Variants in MTFR1 observed in about 807,000 individuals in gnomAD.
MTFR1 encodes the protein mitochondrial fission regulator 1.
A neutral mutation model predicts 38.8 loss-of-function variants in MTFR1; 28 were observed. That is an observed-to-expected ratio of 0.72 (90% CI 0.53 to 0.99). MTFR1 has a LOEUF of 0.99. Among genes scored for constraint, MTFR1 ranks in the 50% least tolerant of loss-of-function variants. MTFR1 has a pLI of 0.00. For synonymous variants in MTFR1, 145 were observed against 137.0 expected, an observed-to-expected ratio of 1.06 and a Z score of -0.41; for missense variants, 358 against 395.5, an observed-to-expected ratio of 0.91 and a Z score of 0.81.
At chr8:65,703,889 T>G (rs1261244175) in intron 4 of MTFR1, among the ~76,000 whole-genome samples, 1 of 152,168 alleles carries the variant, frequency 6.6e-6, no homozygotes, top group Non-Finnish European at 1.5e-5. Flanking sequence ...CAAAACAGAT[T>G]GGTTTTAAGA....
chr8:65,666,930 A>G (rs189917900), intron 1 of MTFR1, among the ~76,000 whole-genome samples: 177 of 152,350 alleles, frequency 1.2e-3, no homozygotes, highest in African/African-American at 4.0e-3. Flanking sequence ...CACATACTGT[A>G]TATCTGATAG....
intron 3 of MTFR1, chr8:65,734,931 T>C (rs1436978056): frequency 7.8e-7 from 1 of 1,277,756 alleles, no homozygotes; most frequent in Non-Finnish European, 1.1e-6. Context: ...TTATTGTATA[T>C]GAGCAACATA....
chr8:65,680,899 CTTTTT>C (rs1199113408), intron 2 of MTFR1, among the ~76,000 whole-genome samples: 8 of 93,622 alleles, frequency 8.5e-5, no homozygotes, highest in African/African-American at 3.0e-4. Flanking sequence ...AAGCAGTTCT[CTTTTT>C]TTTTTTTTTT....
intron 1 of MTFR1, among the ~76,000 whole-genome samples, chr8:65,664,283 G>A (rs1266018368): frequency 6.6e-6 from 1 of 152,202 alleles, no homozygotes; most frequent in Non-Finnish European, 1.5e-5. Context: ...ACAGACAGAT[G>A]AGTACATGAA....
intron 1 of MTFR1, among the ~76,000 whole-genome samples, chr8:65,654,975 A>G (rs1809216451): frequency 6.6e-6 from 1 of 152,198 alleles, no homozygotes; most frequent in African/African-American, 2.4e-5. Context: ...CCTTGGGCCT[A>G]AGGGCAACAT....
At chr8:65,668,279 G>T (rs1804453179) in intron 1 of MTFR1, among the ~76,000 whole-genome samples, 16 of 149,354 alleles carry the variant, frequency 1.1e-4, no homozygotes. Flanking sequence ...CCGGGATCAA[G>T]TGATTTTCCT....
At chr8:65,662,077 A>T (rs1274710961) in intron 1 of MTFR1, among the ~76,000 whole-genome samples, 14 of 62,380 alleles carry the variant, frequency 2.2e-4, no homozygotes, top group Admixed American at 1.1e-3. Flanking sequence ...CTCTCTTTCC[A>T]CAGTCTCCCT....
chr8:65,686,600 A>G lies in MTFR1; in HGVS notation c.165+4149A>G, dbSNP rs1024799801. The stretch of plus-strand genomic sequence containing the variant: ...GTCTCAAAAAAAAAAAAAAAAAAAA[A>G]GGCACTGTGAAATAGTAGTTTTGAG... On this transcript the variant is annotated intron_variant, in intron 3 of 7. Coordinates refer to ENST00000262146, the MANE Select transcript of MTFR1 (RefSeq NM_014637.4). Among the ~76,000 whole-genome samples the G allele has an allele frequency of 1.4e-3, 196 of 143,040 alleles. 1 individual carries two copies. Among genetic ancestry groups the G allele is most frequent in the African/African-American group, 4.8e-3 (187 of 38,966 alleles). 93.8% of individuals were successfully genotyped at this position (143,040 alleles called of 152,430 possible). A position where few individuals can be genotyped will look rare whatever the true frequency, so the allele number is the denominator to read the frequency against.
At chr8:65,674,695 A>G (rs907033615) in intron 2 of MTFR1, among the ~76,000 whole-genome samples, 2 of 152,196 alleles carry the variant, frequency 1.3e-5, no homozygotes, top group African/African-American at 4.8e-5. Context: ...TAGAACAGCC[A>G]GTGGTGATTG....
chr8:65,683,128 C>G (rs1392208983), intron 3 of MTFR1, among the ~76,000 whole-genome samples: 1 of 138,764 alleles, frequency 7.2e-6, no homozygotes, highest in East Asian at 2.0e-4. Flanking sequence ...TTGTTTCTTT[C>G]TTTCTTTTTT....
chr8:65,711,389 TTC>T (rs1290337173), downstream of MTFR1, among the ~76,000 whole-genome samples: 1 of 152,182 alleles, frequency 6.6e-6, no homozygotes, highest in Non-Finnish European at 1.5e-5. Flanking sequence ...AAAACCATAG[TTC>T]TGATAACTTC....
At chr8:65,749,204 G>A (rs548067299) in intron 3 of MTFR1, among the ~76,000 whole-genome samples, 33 of 152,310 alleles carry the variant, frequency 2.2e-4, no homozygotes, top group Non-Finnish European at 4.7e-4. Context: ...TTGAACAAAT[G>A]ATGACTTTCA....
At chr8:65,659,935 G>A (rs1020603616) in intron 1 of MTFR1, among the ~76,000 whole-genome samples, 5 of 151,842 alleles carry the variant, frequency 3.3e-5, no homozygotes, top group Admixed American at 6.6e-5. Flanking sequence ...ATCTCTAGCC[G>A]ACACTTAAGA....
At chr8:65,645,324 C>A (rs1207786215) in intron 1 of MTFR1, among the ~76,000 whole-genome samples, 2 of 152,222 alleles carry the variant, frequency 1.3e-5, no homozygotes, top group African/African-American at 4.8e-5. Context: ...CTTTTCGCCT[C>A]CTAGAACTTC....
intron 3 of MTFR1, among the ~76,000 whole-genome samples, chr8:65,757,839 G>A (rs1048172843): frequency 2.0e-5 from 3 of 152,116 alleles, no homozygotes; most frequent in African/African-American, 7.2e-5. Context: ...GGCTGGTCTC[G>A]ATCTCCTGAC....
chr8:65,755,182 G>A (rs575272879), intron 3 of MTFR1, among the ~76,000 whole-genome samples: 2 of 151,326 alleles, frequency 1.3e-5, no homozygotes, highest in Admixed American at 6.6e-5. Flanking sequence ...CACCACGCCC[G>A]GCTAATTTTT....
the MTFR1 span, among the ~76,000 whole-genome samples, chr8:65,777,282 T>C: frequency 1.3e-5 from 2 of 152,064 alleles, no homozygotes; most frequent in African/African-American, 4.8e-5. Flanking sequence ...TTTCTCTATG[T>C]TGGTCAGGCT....
chr8:65,748,898 A>G (rs541599590), intron 3 of MTFR1, among the ~76,000 whole-genome samples: 3 of 152,326 alleles, frequency 2.0e-5, no homozygotes, highest in African/African-American at 4.8e-5. Flanking sequence ...GCTTGCAGGT[A>G]TGCTACTAGT....
At chr8:65,716,140 C>A (rs1187835142) in intron 2 of MTFR1, among the ~76,000 whole-genome samples, 1 of 146,578 alleles carries the variant, frequency 6.8e-6, no homozygotes, top group African/African-American at 2.5e-5. Context: ...AGCAGCGAGA[C>A]CCTGTCTCAA....
Sources: allele counts gnomAD v4.1 joint callset (sites outside exome capture counted in the v4.1 genomes callset), GRCh38; gene constraint gnomAD v4.1.1; transcripts MANE v1.5; gene names NCBI Gene and HGNC (gene_info 2026-07-23, HGNC 2026-07-21).